Variants in BBOX1 observed in about 807,000 individuals in gnomAD.
The protein encoded by BBOX1 is gamma-butyrobetaine dioxygenase.
Under a neutral mutation model 41.6 loss-of-function variants are expected in BBOX1, and 35 were observed. The ratio of observed to expected loss-of-function variants is 0.84; its 90% CI spans 0.64 to 1.11. The LOEUF (loss-of-function observed/expected upper bound fraction) is 1.11, where lower values mean the gene tolerates loss of function less well. Ranked by LOEUF, BBOX1 falls within the 50% of genes most tolerant of loss-of-function variation. BBOX1 has a pLI of 0.00. For synonymous variants in BBOX1, 163 were observed against 154.7 expected (o/e 1.05, Z -0.40); for missense variants, 458 against 460.6 (o/e 0.99, Z 0.05).
chr11:27,072,986 T>C (rs1490793568), intron 4 of BBOX1, among the ~76,000 whole-genome samples: 2 of 152,116 alleles, frequency 1.3e-5, no homozygotes, highest in East Asian at 1.9e-4. Context: ...GGCAATACCA[T>C]TCAGGACATA....
At chr11:27,075,472 T>A (rs1013414657) in intron 4 of BBOX1, among the ~76,000 whole-genome samples, 1 of 152,028 alleles carries the variant, frequency 6.6e-6, no homozygotes, top group African/African-American at 2.4e-5. Flanking sequence ...CAACACCCAA[T>A]CATCGGCAGA....
intron 7 of BBOX1, among the ~76,000 whole-genome samples, chr11:27,121,521 G>A (rs910673204): frequency 6.6e-5 from 10 of 152,166 alleles, no homozygotes; most frequent in Admixed American, 6.5e-4. Context: ...AGCAATGGTG[G>A]TGCCTTGAAC....
chr11:27,081,965 C>T (rs527341149), intron 4 of BBOX1, among the ~76,000 whole-genome samples: 2 of 151,938 alleles, frequency 1.3e-5, no homozygotes, highest in African/African-American at 2.4e-5. Context: ...AGCCCTTTTT[C>T]GGATGGATAG....
intron 4 of BBOX1, among the ~76,000 whole-genome samples, chr11:27,058,616 G>A (rs1289031402): frequency 6.6e-6 from 1 of 152,146 alleles, no homozygotes; most frequent in Non-Finnish European, 1.5e-5. Context: ...ATGGAAATGA[G>A]GATCTTATTG....
At chr11:27,124,971 T>C (rs1310702000) in intron 7 of BBOX1, among the ~76,000 whole-genome samples, 3 of 152,126 alleles carry the variant, frequency 2.0e-5, no homozygotes, top group African/African-American at 7.2e-5. Context: ...CTAAAAAATA[T>C]AGAGAGTGAT....
chr11:27,058,780 A>T (rs778512641), intron 4 of BBOX1, among the ~76,000 whole-genome samples: 10 of 152,228 alleles, frequency 6.6e-5, no homozygotes, highest in South Asian at 2.1e-4. Flanking sequence ...TAAGTGTTTA[A>T]GAAGTAACAT....
At chr11:27,107,592 G>C (rs1858914899) in intron 5 of BBOX1, among the ~76,000 whole-genome samples, 1 of 151,908 alleles carries the variant, frequency 6.6e-6, no homozygotes, top group African/African-American at 2.4e-5. Context: ...ATCTGCTTGA[G>C]TTGTTGCCTT....
At chr11:27,060,971 G>A (rs918446896) in intron 4 of BBOX1, among the ~76,000 whole-genome samples, 2 of 152,242 alleles carry the variant, frequency 1.3e-5, no homozygotes, top group Non-Finnish European at 2.9e-5. Flanking sequence ...ATTTAGTACC[G>A]ATTGTCTGGG....
At chr11:27,124,722 A>G (rs193184020) in intron 7 of BBOX1, among the ~76,000 whole-genome samples, 14 of 152,218 alleles carry the variant, frequency 9.2e-5, no homozygotes, top group African/African-American at 3.1e-4. Context: ...GGGTTTTGCC[A>G]TGTTGGCCAG....
At chr11:27,103,768 T>G (rs572657059) in intron 5 of BBOX1, among the ~76,000 whole-genome samples, 3 of 152,202 alleles carry the variant, frequency 2.0e-5, no homozygotes, top group African/African-American at 7.2e-5. Context: ...CTTTCTGACA[T>G]GTACTGCCTG....
At chr11:27,077,269 A>G (rs10767602) in intron 4 of BBOX1, among the ~76,000 whole-genome samples, 150,042 of 152,210 alleles carry the variant, frequency 0.99, 73,991 homozygotes, top group South Asian at 1. Context: ...AAGTCTTCCC[A>G]CTGCTGCTCC....
intron 3 of BBOX1, 27 bp downstream of exon 3, chr11:27,055,676 T>G: frequency 6.3e-7 from 1 of 1,577,654 alleles, no homozygotes; most frequent in Non-Finnish European, 8.7e-7. Flanking sequence ...TATGTCTCCC[T>G]TCTTTCTCAA....
chr11:27,045,676 T>C (rs1245267513), intron 2 of BBOX1, among the ~76,000 whole-genome samples: 4 of 152,148 alleles, frequency 2.6e-5, no homozygotes, highest in Non-Finnish European at 4.4e-5. Context: ...ATACTTCTCC[T>C]GAGAAAGAGA....
intron 6 of BBOX1, 96 bp from the exon 7 acceptor site, chr11:27,119,553 A>G: frequency 1.3e-6 from 1 of 757,310 alleles, no homozygotes. Flanking sequence ...GTGCATGTAT[A>G]TTATTTTATT....
chr11:27,070,792 G>A (rs756722357), intron 4 of BBOX1, among the ~76,000 whole-genome samples: 1 of 149,338 alleles, frequency 6.7e-6, no homozygotes, highest in African/African-American at 2.5e-5. Flanking sequence ...TGTTCATGTC[G>A]AGATGTGAGA....
Position 27,098,261 on chromosome 11 carries a change from G to A in BBOX1, c.533+4895G>A, listed in dbSNP as rs182803211. 7.2e-5 allele frequency among the ~76,000 whole-genome samples: 11 copies of A among 151,924 alleles called. 1 individual carries two copies. The East Asian group carries it at 1.4e-3, about 19-fold the overall frequency. On this transcript the variant is annotated intron_variant, in intron 5 of 8. Coordinates refer to ENST00000263182, the MANE Select transcript of BBOX1 (RefSeq NM_003986.3). ...CCATTGATCTGGCATCCTCTGCAGC[G>A]CTACAGTAGAAATTCTCTCCCAGCC...
chr11:27,100,394 G>C (rs1858605352), intron 5 of BBOX1, among the ~76,000 whole-genome samples: 1 of 152,096 alleles, frequency 6.6e-6, no homozygotes, highest in Non-Finnish European at 1.5e-5. Flanking sequence ...AATCAACCTA[G>C]AAATAATTCA....
rs142443874 is a variant in BBOX1, at chr11:27,064,697, G to A, written c.334+7382G>A. ...TAGTCCTCAAATCAATCTATCCAAC[G>A]CTCATAGGTTAGGAGTTTTTCAAAG... On this transcript the variant is annotated intron_variant, in intron 4 of 8. Transcript: ENST00000263182. Among the ~76,000 whole-genome samples the A allele has an allele frequency of 9.7e-4, 148 of 152,176 alleles. No homozygotes were observed. In the Middle Eastern group the frequency reaches 0.01, roughly 10 times the overall value.
At chr11:27,125,162 G>GT (rs1407231320) in intron 7 of BBOX1, among the ~76,000 whole-genome samples, 2 of 151,996 alleles carry the variant, frequency 1.3e-5, no homozygotes, top group South Asian at 2.1e-4. Flanking sequence ...TCATGCTTTG[G>GT]TTTTCCCACC....
Sources: allele counts gnomAD v4.1 joint callset (sites outside exome capture counted in the v4.1 genomes callset), GRCh38; gene constraint gnomAD v4.1.1; transcripts MANE v1.5; gene names NCBI Gene and HGNC (gene_info 2026-07-23, HGNC 2026-07-21).